MYO1F: variants seen among roughly 807,000 people sequenced by gnomAD.
The protein encoded by MYO1F is unconventional myosin-If.
A neutral mutation model predicts 146.6 loss-of-function variants in MYO1F; 60 were observed. The observed-to-expected ratio is 0.41, with a 90% CI of 0.33 to 0.51. The LOEUF is 0.51. Among genes scored for constraint, MYO1F ranks in the 20% least tolerant of loss-of-function variants. The probability of loss-of-function intolerance (pLI) is 0.25; values close to 1 mark genes in which losing one functional copy is unlikely to be tolerated. For synonymous variants in MYO1F, 602 were observed against 602.1 expected (o/e 1.00, Z 0.00); for missense variants, 1,274 against 1,534.3 (o/e 0.83, Z 2.83).
At chr19:8,556,181 A>G (rs1973846074) in intron 1 of MYO1F, among the ~76,000 whole-genome samples, 1 of 150,976 alleles carries the variant, frequency 6.6e-6, no homozygotes, top group South Asian at 2.1e-4. Context: ...GGTGCCCACC[A>G]CCATGCCCGG....
chr19:8,556,907 AAAAG>A (rs1362762925), intron 1 of MYO1F, among the ~76,000 whole-genome samples: 1 of 148,186 alleles, frequency 6.7e-6, no homozygotes, highest in South Asian at 2.1e-4. Context: ...AAAAAAAAAA[AAAAG>A]GAAGCCAATC....
chr19:8,540,017 C>A lies in MYO1F; in HGVS notation c.1622G>T (p.Arg541Leu), dbSNP rs556054718. ...ATCCAGCTTCTCGGGGAAGAGCATC[C>A]GGAGGAAGGCCCTGGGTAGGAAAGG... ...LMQTSEQAFL[R>L]MLFPEKLDGD... Residue 541 changes from arginine (R) to leucine (L), a missense_variant, in exon 16 of 28, where the codon CGG becomes CTG. By Grantham distance (102) the Arg-to-Leu change is moderately radical. Coordinates refer to ENST00000644032, the MANE Select transcript of MYO1F (RefSeq NM_012335.4). 6.2e-7 allele frequency: 1 copy of A among 1,611,476 alleles called. No individual in the cohort carries two copies. The highest frequency in any genetic ancestry group is 2.2e-5 in the East Asian group (1 of 44,798).
intron 24 of MYO1F, among the ~76,000 whole-genome samples, chr19:8,526,050 C>T (rs1220973260): frequency 6.6e-6 from 1 of 152,104 alleles, no homozygotes; most frequent in Non-Finnish European, 1.5e-5. Flanking sequence ...TCTCTCTGGC[C>T]GGGCGCAGTG....
chr19:8,547,520 C>T (rs569527031), intron 12 of MYO1F, among the ~76,000 whole-genome samples: 1 of 150,458 alleles, frequency 6.6e-6, no homozygotes, highest in Non-Finnish European at 1.5e-5. Flanking sequence ...AGGAGAATCA[C>T]TTGAACTCTG....
chr19:8,551,691 G>A, intron 8 of MYO1F, 49 bp downstream of exon 8: 1 of 1,613,860 alleles, frequency 6.2e-7, no homozygotes, highest in Non-Finnish European at 8.5e-7. Flanking sequence ...GAGGGTTTCT[G>A]GGGCTGAGGT....
chr19:8,553,977 G>A (rs1973736888), intron 4 of MYO1F, among the ~76,000 whole-genome samples: 1 of 151,524 alleles, frequency 6.6e-6, no homozygotes, highest in South Asian at 2.1e-4. Flanking sequence ...GATTGACTGA[G>A]ATGGGGTCTC....
At chr19:8,547,603 C>CAA (rs146542478) in intron 12 of MYO1F, among the ~76,000 whole-genome samples, 22 of 114,236 alleles carry the variant, frequency 1.9e-4, no homozygotes, top group African/African-American at 3.9e-4. Flanking sequence ...GACTTTGTCT[C>CAA]AAAAAAAAAA....
chr19:8,525,429 A>G, intron 25 of MYO1F, 50 bp downstream of exon 25: 1 of 1,512,762 alleles, frequency 6.6e-7, no homozygotes, highest in Non-Finnish European at 9.2e-7. Flanking sequence ...GGCTTAGGCC[A>G]TGGGACCCAC....
intron 15 of MYO1F, 136 bp downstream of exon 15, chr19:8,541,770 C>A (rs955762695): frequency 6.0e-6 from 5 of 828,692 alleles, no homozygotes; most frequent in Non-Finnish European, 1.0e-5. Flanking sequence ...CATAGAAACA[C>A]CATCCTGGCC....
rs145269171 is a variant in MYO1F, at chr19:8,522,465, G to T, written c.3132C>A (p.Pro1044=). Residue 1044 remains proline, a synonymous_variant, in exon 27 of 28, where the codon CCC becomes CCA. Transcript: ENST00000644032. ...CGTACTGGTATAGGGCCCGGCACCT[G>T]GGACCATGTGTCCGAGGCTGGGGCT... The part of the protein sequence containing the change: ...RPKPQPRTHG[P]RCRALYQYVG... 6.3e-4 allele frequency: 1,015 copies of T among 1,614,054 alleles called. 6 individuals carry two copies. The highest frequency in any genetic ancestry group is 5.4e-3 in the South Asian group (488 of 91,076).
At chr19:8,554,421 AT>A in intron 4 of MYO1F, 55 bp downstream of exon 4, 1 of 1,454,310 alleles carries the variant, frequency 6.9e-7, no homozygotes, top group African/African-American at 1.4e-5. Context: ...GGGGGTGGTG[AT>A]GTTTCAGCAG....
In MYO1F at chr19:8,530,237, C is replaced by T. The variant is rs1313137443; in HGVS notation, c.2287G>A (p.Asp763Asn). ...TACTTGGTGACCGAATCGGCGAAGT[C>T]CACCCGCTCCCTCTTGCCCAGGAAC... Reference protein sequence around the residue: ...RQFLGKRERVDFADSVTKYDR... With the variant: ...RQFLGKRERVNFADSVTKYDR... The change falls in exon 21 of 28, where the codon GAC (aspartate) becomes AAC (asparagine). Residue 763 changes from aspartate (D) to asparagine (N), a missense_variant. Transcript: ENST00000644032. The surrounding 1 kb of genome is among the most constrained non-coding windows in gnomAD (Gnocchi z 5.8). The T allele has an allele frequency of 4.3e-6, 7 of 1,614,092 alleles. No homozygotes were observed. In the South Asian group the frequency reaches 7.7e-5, roughly 18 times the overall value.
intron 25 of MYO1F, among the ~76,000 whole-genome samples, chr19:8,524,332 C>G (rs1044451317): frequency 6.7e-6 from 1 of 148,516 alleles, no homozygotes; most frequent in African/African-American, 2.5e-5. Flanking sequence ...AGGAGAATCT[C>G]TTGAACCCAG....
chr19:8,563,702 G>T (rs561210840), intron 1 of MYO1F, among the ~76,000 whole-genome samples: 91 of 151,666 alleles, frequency 6.0e-4, no homozygotes, highest in African/African-American at 1.8e-3. Context: ...AGTAGAGATG[G>T]GCTTTCACTA....
chr19:8,561,252 TGTGGAGGTGTG>T, intron 1 of MYO1F, among the ~76,000 whole-genome samples: 1 of 151,976 alleles, frequency 6.6e-6, no homozygotes, highest in Non-Finnish European at 1.5e-5. Flanking sequence ...TGGGGAAAGG[TGTGGAGGTGTG>T]GCTGCAGCAG....
intron 19 of MYO1F, among the ~76,000 whole-genome samples, chr19:8,533,192 T>A (rs1972563610): frequency 6.6e-6 from 1 of 150,726 alleles, no homozygotes; most frequent in African/African-American, 2.4e-5. Context: ...ATTATATATA[T>A]ATTTTTTTGG....
At chr19:8,573,241 G>T (rs782412151) in intron 1 of MYO1F, among the ~76,000 whole-genome samples, 2 of 152,060 alleles carry the variant, frequency 1.3e-5, no homozygotes, top group Non-Finnish European at 2.9e-5. Context: ...AACCTAGGAG[G>T]TGGGGCTTGC....
Position 8,562,801 on chromosome 19 carries a change from C to T in MYO1F, c.4-7005G>A, listed in dbSNP as rs182289752. Among the ~76,000 whole-genome samples, 15 of 151,984 alleles carry T rather than the reference C, an allele frequency of 9.9e-5. No homozygotes were observed. In the East Asian group the frequency reaches 1.6e-3, roughly 16 times the overall value. On this transcript the variant is annotated intron_variant, in intron 1 of 27. Coordinates refer to ENST00000644032, the MANE Select transcript of MYO1F (RefSeq NM_012335.4). Reference sequence around the variant, plus strand: ...CTCCTGCCTCAGTCTCCCAGAGTGCCAGGATTACAGGCATGAGCCATGGTG... The same window carrying T: ...CTCCTGCCTCAGTCTCCCAGAGTGCTAGGATTACAGGCATGAGCCATGGTG...
intron 8 of MYO1F, chr19:8,551,331 T>G (rs1256924282): frequency 4.8e-6 from 1 of 207,558 alleles, no homozygotes; most frequent in Non-Finnish European, 9.1e-6. Context: ...GGATTACAGG[T>G]GTGAGCCACC....
Sources: allele counts gnomAD v4.1 joint callset (sites outside exome capture counted in the v4.1 genomes callset), GRCh38; gene constraint gnomAD v4.1.1; non-coding constraint Gnocchi (gnomAD v3.1); transcripts MANE v1.5; gene names NCBI Gene and HGNC (gene_info 2026-07-23, HGNC 2026-07-21).